The following TENM1 variants were observed in gnomAD, a reference collection of about 807,000 sequenced individuals.
TENM1 encodes teneurin transmembrane protein 1, also known as teneurin-1.
Under a neutral mutation model 174.8 loss-of-function variants are expected in TENM1, and 35 were observed. The observed-to-expected ratio is 0.20, with a 90% CI of 0.15 to 0.27. The LOEUF (loss-of-function observed/expected upper bound fraction) is 0.27. Ranked by LOEUF, TENM1 falls within the 10% of genes least tolerant of loss-of-function variation. The probability of loss-of-function intolerance (pLI) is 1.00; values close to 1 mark genes in which losing one functional copy is unlikely to be tolerated. For synonymous variants in TENM1, 781 were observed against 798.7 expected (o/e 0.98, Z 0.37); for missense variants, 1,633 against 2,130.1 (o/e 0.77, Z 4.59).
chrX:125,089,677 G>T, the TENM1 span, among the ~76,000 whole-genome samples: 3 of 111,621 alleles, frequency 2.7e-5, no homozygotes, highest in African/African-American at 9.8e-5. Context: ...TTGGCATACT[G>T]TAATACCAAG....
chrX:124,885,061 A>G (rs757441992), intron 3 of TENM1, among the ~76,000 whole-genome samples: 1 of 111,911 alleles, frequency 8.9e-6, no homozygotes, highest in East Asian at 2.8e-4. Flanking sequence ...TAAATGTAGA[A>G]AAGGTACAGT....
chrX:125,150,943 T>A, the TENM1 span, among the ~76,000 whole-genome samples: 3 of 112,479 alleles, frequency 2.7e-5, no homozygotes, highest in East Asian at 5.6e-4. Context: ...TTTTAGCAGT[T>A]CTCAGCAGAA....
At chrX:124,712,899 C>A (rs1313603158) in intron 4 of TENM1, among the ~76,000 whole-genome samples, 1 of 112,245 alleles carries the variant, frequency 8.9e-6, no homozygotes, top group African/African-American at 3.2e-5. Flanking sequence ...GCTGGGTCAG[C>A]CCCATTTTCT....
At chrX:124,708,692 T>A (rs2052970362) in intron 4 of TENM1, among the ~76,000 whole-genome samples, 1 of 111,363 alleles carries the variant, frequency 9.0e-6, no homozygotes, top group African/African-American at 3.3e-5. Flanking sequence ...AAGGCAGGCT[T>A]CAAAAGAGTA....
At chrX:124,420,324 T>G in exon 25 of TENM1, 1 of 1,201,556 alleles carries the variant, frequency 8.3e-7, no homozygotes, top group Non-Finnish European at 1.1e-6. Flanking sequence ...TAAACGGTTG[T>G]CCATCCATTT....
intron 23 of TENM1, among the ~76,000 whole-genome samples, chrX:124,430,304 A>G (rs1395645324): frequency 9.0e-6 from 1 of 111,712 alleles, no homozygotes; most frequent in Non-Finnish European, 1.9e-5. Context: ...TCTCCCTAGA[A>G]AAAGGCTTCA....
intron 15 of TENM1, among the ~76,000 whole-genome samples, chrX:124,537,376 C>A (rs977660651): frequency 1.8e-5 from 2 of 111,236 alleles, no homozygotes; most frequent in Admixed American, 9.7e-5. Context: ...GTCCACATAA[C>A]CCTGAGTAGG....
chrX:124,592,402 T>C (rs1280362669), intron 11 of TENM1, among the ~76,000 whole-genome samples: 3 of 109,469 alleles, frequency 2.7e-5, no homozygotes, highest in African/African-American at 1.0e-4. Context: ...AGTAGGTTTT[T>C]TCTTCATCAT....
intron 1 of TENM1, among the ~76,000 whole-genome samples, chrX:124,921,634 C>T (rs143903070): frequency 0.012 from 1,382 of 111,390 alleles, 15 homozygotes; most frequent in African/African-American, 0.042. Flanking sequence ...CTTTTATAAT[C>T]CTTCTCACTT....
intron 3 of TENM1, among the ~76,000 whole-genome samples, chrX:124,763,383 T>C (rs2054466283): frequency 9.0e-6 from 1 of 111,618 alleles, no homozygotes; most frequent in Non-Finnish European, 1.9e-5. Context: ...AAGCCAGCTA[T>C]TTAATTTTCT....
At chrX:124,579,207 A>G (rs1189383231) in intron 11 of TENM1, among the ~76,000 whole-genome samples, 2 of 111,762 alleles carry the variant, frequency 1.8e-5, no homozygotes, top group Non-Finnish European at 1.9e-5. Flanking sequence ...AAAATATTTC[A>G]TAGTTCACCA....
chrX:124,930,714 C>CAAATACATGCCTGA lies in TENM1; in HGVS notation c.217+32809_217+32822dup, dbSNP rs766002067. ...GCTTGATAAATGTTATATTGAGAGT[C>CAAATACATGCCTGA]AAATACATGCCTGAAAGAATCCTTT... On this transcript the variant is annotated intron_variant, in intron 1 of 31. Transcript: ENST00000422452. 7.8e-3 allele frequency among the ~76,000 whole-genome samples: 873 copies of CAAATACATGCCTGA among 111,583 alleles called. 10 individuals carry two copies. The highest frequency in any genetic ancestry group is 0.028 in the African/African-American group (849 of 30,573).
At position 124,471,051 on chromosome X, in the gene TENM1, A is replaced by G. The variant is rs190153027; in HGVS notation, c.3949+10681T>C. Among the ~76,000 whole-genome samples, 419 of 98,661 alleles carry G rather than the reference A, an allele frequency of 4.2e-3. 2 individuals carry two copies. The highest frequency in any genetic ancestry group is 0.014 in the African/African-American group (393 of 27,130). The allele number at this position is 98,661 out of a possible 115,157, so 85.7% of individuals were successfully genotyped here. A position where few individuals can be genotyped will look rare whatever the true frequency, so the allele number is the denominator to read the frequency against. On this transcript the variant is annotated intron_variant, in intron 22 of 31. Coordinates refer to ENST00000422452, the Ensembl canonical transcript of TENM1. ...CACTTATAATTCCTTATGCCCTTAT[A>G]TAGCAATTATCATTGCTAACATTTA...
the TENM1 span, among the ~76,000 whole-genome samples, chrX:125,016,210 C>T: frequency 6.3e-5 from 7 of 110,934 alleles, no homozygotes; most frequent in African/African-American, 2.0e-4. Flanking sequence ...AAGTTCTGGC[C>T]AGGGCAACCA....
the TENM1 span, among the ~76,000 whole-genome samples, chrX:125,053,542 A>C: frequency 2.7e-5 from 3 of 112,258 alleles, no homozygotes; most frequent in East Asian, 8.5e-4. Context: ...AAATGGAGGT[A>C]CACTGGTAGT....
At chrX:125,073,087 A>G in the TENM1 span, among the ~76,000 whole-genome samples, 1 of 111,634 alleles carries the variant, frequency 9.0e-6, no homozygotes, top group Non-Finnish European at 1.9e-5. Context: ...AGCAGAGGGC[A>G]GGAAAATTTG....
chrX:124,384,905 G>C (rs1256813351), intron 29 of TENM1, 51 bp from the exon 33 acceptor site: 2 of 1,099,529 alleles, frequency 1.8e-6, no homozygotes, highest in East Asian at 6.0e-5. Context: ...CAATGTGGAA[G>C]AGTCAGAAAG....
At chrX:124,847,556 A>G (rs1366937950) in intron 3 of TENM1, among the ~76,000 whole-genome samples, 3 of 109,951 alleles carry the variant, frequency 2.7e-5, no homozygotes, top group Non-Finnish European at 5.7e-5. Context: ...AATTAATTGA[A>G]TGTGTGTGTG....
Position 124,667,182 on chromosome X carries a change from A to G in TENM1, c.1168+4501T>C, listed in dbSNP as rs150501000. Reference sequence around the variant, plus strand: ...ATTTATTGATAAATTACGTGGGGGTAGTTATTTTTAATTTTATTTATAGAC... The same window carrying G: ...ATTTATTGATAAATTACGTGGGGGTGGTTATTTTTAATTTTATTTATAGAC... On this transcript the variant is annotated intron_variant, in intron 6 of 31. Coordinates refer to ENST00000422452, the Ensembl canonical transcript of TENM1. Among the ~76,000 whole-genome samples the G allele has an allele frequency of 1.3e-3, 151 of 111,884 alleles. 1 individual carries two copies. The highest frequency in any genetic ancestry group is 1.6e-3 in the Non-Finnish European group (84 of 53,232).
Sources: allele counts gnomAD v4.1 joint callset (sites outside exome capture counted in the v4.1 genomes callset), GRCh38; gene constraint gnomAD v4.1.1; transcripts MANE v1.5; gene names NCBI Gene and HGNC (gene_info 2026-07-23, HGNC 2026-07-21).